Variants in DPYD observed in about 807,000 individuals in gnomAD.
DPYD encodes dihydropyrimidine dehydrogenase.
Under a neutral mutation model 116.2 loss-of-function variants are expected in DPYD, and 109 were observed. The ratio of observed to expected loss-of-function variants is 0.94; its 90% CI spans 0.80 to 1.10. The LOEUF (loss-of-function observed/expected upper bound fraction) is 1.10, where lower values mean the gene tolerates loss of function less well. Ranked by LOEUF, DPYD falls within the 50% of genes least tolerant of loss-of-function variation. The pLI, the probability that DPYD is intolerant of heterozygous loss-of-function variation, is 0.00. For missense variants in DPYD, 1,302 were observed against 1,254.5 expected, an observed-to-expected ratio of 1.04 and a Z score of -0.57; for synonymous variants, 440 against 432.0, an observed-to-expected ratio of 1.02 and a Z score of -0.23.
chr1:97,820,090 T>C (rs1668841867), intron 3 of DPYD, among the ~76,000 whole-genome samples: 2 of 152,142 alleles, frequency 1.3e-5, no homozygotes, highest in Admixed American at 1.3e-4. Flanking sequence ...ATGGTTCATG[T>C]AGAAGTATCA....
intron 19 of DPYD, among the ~76,000 whole-genome samples, chr1:97,225,436 C>CT (rs1661077934): frequency 6.6e-6 from 1 of 151,868 alleles, no homozygotes; most frequent in South Asian, 2.1e-4. Context: ...AAGATATTTA[C>CT]TCGGGTTCTT....
intron 14 of DPYD, among the ~76,000 whole-genome samples, chr1:97,398,227 G>A (rs919535904): frequency 1.6e-4 from 25 of 152,074 alleles, no homozygotes; most frequent in African/African-American, 5.8e-4. Context: ...ATAGTGTGCT[G>A]AGAATGATGG....
At chr1:97,471,155 C>T (rs1677626175) in intron 13 of DPYD, among the ~76,000 whole-genome samples, 1 of 152,152 alleles carries the variant, frequency 6.6e-6, no homozygotes, top group African/African-American at 2.4e-5. Flanking sequence ...GCCTTATATG[C>T]CTACTTCACT....
intron 16 of DPYD, among the ~76,000 whole-genome samples, chr1:97,348,474 G>A (rs577401840): frequency 3.5e-4 from 54 of 152,200 alleles, no homozygotes; most frequent in African/African-American, 1.2e-3. Context: ...ACCAATTTCC[G>A]TAAATAAGGA....
intron 18 of DPYD, among the ~76,000 whole-genome samples, chr1:97,293,998 G>T (rs1031278085): frequency 1.3e-4 from 19 of 151,928 alleles, no homozygotes; most frequent in Non-Finnish European, 2.2e-4. Context: ...GTATGCAACT[G>T]AATATTAAGA....
chr1:97,915,884 G>A (rs1035490183), intron 1 of DPYD, among the ~76,000 whole-genome samples: 3 of 152,024 alleles, frequency 2.0e-5, no homozygotes, highest in Non-Finnish European at 4.4e-5. Context: ...GATTTTCTTT[G>A]TCATGATATT....
At chr1:97,327,926 A>C (rs1321875320) in intron 16 of DPYD, among the ~76,000 whole-genome samples, 1 of 152,146 alleles carries the variant, frequency 6.6e-6, no homozygotes, top group Non-Finnish European at 1.5e-5. Flanking sequence ...AATACATAAC[A>C]ATAGGCATTT....
At chr1:97,522,339 G>A (rs1385057154) in intron 12 of DPYD, among the ~76,000 whole-genome samples, 1 of 152,110 alleles carries the variant, frequency 6.6e-6, no homozygotes, top group Non-Finnish European at 1.5e-5. Context: ...ATAGTCGGCT[G>A]TACATGTTAA....
chr1:97,785,607 C>G (rs1157761522), intron 3 of DPYD, among the ~76,000 whole-genome samples: 1 of 150,588 alleles, frequency 6.6e-6, no homozygotes, highest in African/African-American at 2.4e-5. Flanking sequence ...GCACATCACA[C>G]ACCCTGTGTT....
At chr1:97,775,543 C>T (rs1219222196) in intron 3 of DPYD, among the ~76,000 whole-genome samples, 1 of 152,154 alleles carries the variant, frequency 6.6e-6, no homozygotes, top group Non-Finnish European at 1.5e-5. Context: ...TATGACATCT[C>T]TGATTATTGG....
At chr1:97,309,000 GT>G (rs1230454562) in intron 16 of DPYD, among the ~76,000 whole-genome samples, 10 of 151,776 alleles carry the variant, frequency 6.6e-5, no homozygotes, top group African/African-American at 2.4e-4. Context: ...TGAGAAATGA[GT>G]GAAAACTTGG....
intron 18 of DPYD, among the ~76,000 whole-genome samples, chr1:97,252,053 T>C (rs932802021): frequency 1.4e-5 from 2 of 139,700 alleles, no homozygotes; most frequent in African/African-American, 5.1e-5. Context: ...TATTAAAACC[T>C]TGTAGTCATA....
rs532744436 is a variant in DPYD at position 97,247,258 on chromosome 1, T to C, written c.2300-12264A>G. ...TCTGTAGCATGTATTAAAAAGAGCA[T>C]ATGATCAAAAAACTAGGAAAGGAAA... On this transcript the variant is annotated intron_variant, in intron 18 of 22. Coordinates refer to ENST00000370192, the MANE Select transcript of DPYD (RefSeq NM_000110.4). Among the ~76,000 whole-genome samples the C allele has an allele frequency of 1.2e-4, 18 of 152,196 alleles. No homozygotes were observed. In the South Asian group the frequency reaches 3.3e-3, roughly 28 times the overall value.
intron 20 of DPYD, among the ~76,000 whole-genome samples, chr1:97,108,637 A>G (rs1651356240): frequency 6.6e-6 from 1 of 152,150 alleles, no homozygotes; most frequent in South Asian, 2.1e-4. Flanking sequence ...ATTTTACCTC[A>G]TTACTAAATA....
At chr1:97,328,110 C>T (rs906815855) in intron 16 of DPYD, among the ~76,000 whole-genome samples, 1 of 152,080 alleles carries the variant, frequency 6.6e-6, no homozygotes, top group African/African-American at 2.4e-5. Flanking sequence ...CCTCTGTCCT[C>T]TGAGAGAGAG....
chr1:97,530,548 G>A (rs1386070033), intron 12 of DPYD, among the ~76,000 whole-genome samples: 1 of 152,134 alleles, frequency 6.6e-6, no homozygotes, highest in Non-Finnish European at 1.5e-5. Context: ...AGACATTTAG[G>A]TTATATCTTG....
At chr1:97,903,328 T>C (rs1377159916) in intron 1 of DPYD, among the ~76,000 whole-genome samples, 3 of 151,950 alleles carry the variant, frequency 2.0e-5, no homozygotes, top group South Asian at 2.1e-4. Context: ...TTTAAAAGTT[T>C]TAATCCGAAT....
At chr1:97,731,570 T>C (rs931517531) in intron 4 of DPYD, among the ~76,000 whole-genome samples, 11 of 151,996 alleles carry the variant, frequency 7.2e-5, no homozygotes, top group African/African-American at 2.4e-4. Context: ...CTGCATACTT[T>C]GTTAATATCG....
chr1:97,617,205 C>T (rs1656339477), intron 8 of DPYD, among the ~76,000 whole-genome samples: 1 of 152,188 alleles, frequency 6.6e-6, no homozygotes, highest in African/African-American at 2.4e-5. Flanking sequence ...CGCATACACA[C>T]ACACAAACAC....
Sources: allele counts gnomAD v4.1 joint callset (sites outside exome capture counted in the v4.1 genomes callset), GRCh38; gene constraint gnomAD v4.1.1; transcripts MANE v1.5; gene names NCBI Gene and HGNC (gene_info 2026-07-23, HGNC 2026-07-21).